CSMD2: variants seen among roughly 807,000 people sequenced by gnomAD.
The protein encoded by CSMD2 is CUB and sushi domain-containing protein 2.
In CSMD2, 130 loss-of-function variants were observed where a neutral mutation model predicts 398.5. That is an observed-to-expected ratio of 0.33 (90% CI 0.28 to 0.38). The LOEUF (loss-of-function observed/expected upper bound fraction) is 0.38. Ranked by LOEUF, CSMD2 falls within the 10% of genes least tolerant of loss-of-function variation. The pLI, the probability that CSMD2 is intolerant of heterozygous loss-of-function variation, is 1.00. For synonymous variants in CSMD2, 1,828 were observed against 1,908.5 expected, an observed-to-expected ratio of 0.96 and a Z score of 1.10; for missense variants, 3,829 against 4,764.9, an observed-to-expected ratio of 0.80 and a Z score of 5.78.
intron 53 of CSMD2, among the ~76,000 whole-genome samples, chr1:33,564,688 C>G (rs886484404): frequency 2.0e-5 from 3 of 152,198 alleles, no homozygotes; most frequent in Non-Finnish European, 2.9e-5. Flanking sequence ...CAAGCACAAG[C>G]TACAATATCT....
At chr1:34,155,340 T>C (rs923180137) in intron 1 of CSMD2, among the ~76,000 whole-genome samples, 1 of 152,196 alleles carries the variant, frequency 6.6e-6, no homozygotes, top group Non-Finnish European at 1.5e-5. Flanking sequence ...GTAGGAGATG[T>C]GAGTCCCAGA....
At chr1:33,638,956 TCA>T (rs1469855165) in intron 29 of CSMD2, among the ~76,000 whole-genome samples, 1 of 152,234 alleles carries the variant, frequency 6.6e-6, no homozygotes, top group Non-Finnish European at 1.5e-5. Context: ...TCAGTTTTGT[TCA>T]CGGCCATATT....
chr1:33,854,007 G>T (rs1638897621), intron 5 of CSMD2, among the ~76,000 whole-genome samples: 1 of 152,122 alleles, frequency 6.6e-6, no homozygotes, highest in Admixed American at 6.5e-5. Context: ...GGTCAATTAT[G>T]ATCTATTTTG....
rs577421267 is a variant in CSMD2 at position 33,628,039 on chromosome 1, CACA to C, written c.5201-1461_5201-1459del. Among the ~76,000 whole-genome samples, 43 of 152,240 alleles carry C rather than the reference CACA, an allele frequency of 2.8e-4. 1 individual carries two copies. The South Asian group carries it at 5.6e-3, about 20-fold the overall frequency. On this transcript the variant is annotated intron_variant, in intron 32 of 70. Transcript: ENST00000373381. ...GTCAAAGCAAATACTTTATGTGAAC[CACA>C]ACAAAGAACAGGCAAAACTCTCAGC...
chr1:33,577,294 AC>A lies in CSMD2; in HGVS notation c.7576+1del. 6.2e-7 allele frequency: 1 copy of A among 1,601,934 alleles called. No individual in the cohort carries two copies. The highest frequency in any genetic ancestry group is 8.5e-7 in the Non-Finnish European group (1 of 1,171,896). On this transcript the variant is annotated splice_donor_variant, in intron 49 of 70. Transcript: ENST00000373381. LOFTEE classifies it high-confidence loss of function. Reference sequence around the variant, plus strand: ...GTGACCCCCTTTCCACCTGCTTCTCACCTTGACAGAGAGGGATGGCTTCGCT... The same window carrying A: ...GTGACCCCCTTTCCACCTGCTTCTCACTTGACAGAGAGGGATGGCTTCGCT...
intron 62 of CSMD2, 33 bp downstream of exon 62, chr1:33,536,989 G>A (rs1402558723): frequency 5.0e-6 from 8 of 1,589,458 alleles, no homozygotes; most frequent in Non-Finnish European, 6.9e-6. Flanking sequence ...GGGATAGGAT[G>A]TAGGAAGACC....
At chr1:34,035,481 C>G (rs1283216157) in intron 2 of CSMD2, among the ~76,000 whole-genome samples, 1 of 151,892 alleles carries the variant, frequency 6.6e-6, no homozygotes, top group Admixed American at 6.6e-5. Context: ...GAGAATTCAG[C>G]AATATATAAA....
intron 64 of CSMD2, among the ~76,000 whole-genome samples, chr1:33,528,544 C>G (rs921077464): frequency 6.6e-6 from 1 of 152,202 alleles, no homozygotes; most frequent in Non-Finnish European, 1.5e-5. Flanking sequence ...GCTTTATCGT[C>G]TTAGGTTTCA....
Position 33,537,697 on chromosome 1 carries a change from C to G in CSMD2, c.9632-88G>C, listed in dbSNP as rs1418272955. 2.9e-6 allele frequency: 4 copies of G among 1,367,462 alleles called. No homozygotes were observed. The East Asian group carries it at 9.7e-5, about 33-fold the overall frequency. 84.7% of individuals were successfully genotyped at this position (1,367,462 alleles called of 1,614,324 possible). ...CACACCCCCATCTTTGTTCTTTGCA[C>G]TGCTCCCTTCCTGGTTGAGCTTGAA... On this transcript the variant is annotated intron_variant, in intron 60 of 70. Transcript: ENST00000373381. The surrounding 1 kb of genome is among the most constrained non-coding windows in gnomAD (Gnocchi z 4.6).
intron 5 of CSMD2, among the ~76,000 whole-genome samples, chr1:33,889,743 ACCT>A (rs1641854196): frequency 7.5e-6 from 1 of 132,886 alleles, no homozygotes; most frequent in African/African-American, 2.9e-5. Context: ...TTTATGTTTC[ACCT>A]CCTATCCTGT....
At chr1:33,794,080 G>A (rs143444527) in intron 10 of CSMD2, among the ~76,000 whole-genome samples, 7 of 152,266 alleles carry the variant, frequency 4.6e-5, no homozygotes, top group African/African-American at 1.7e-4. Context: ...TTTCCTAGTT[G>A]TGGCTGACGC....
At chr1:34,088,003 G>T (rs946240875) in intron 2 of CSMD2, among the ~76,000 whole-genome samples, 1 of 152,198 alleles carries the variant, frequency 6.6e-6, no homozygotes, top group Non-Finnish European at 1.5e-5. Flanking sequence ...TCTGCTGCAG[G>T]CTTCCCAGAC....
chr1:33,861,742 T>A (rs556100968), intron 5 of CSMD2, among the ~76,000 whole-genome samples: 3 of 152,248 alleles, frequency 2.0e-5, no homozygotes, highest in Admixed American at 2.0e-4. Context: ...CAGAGGCTCA[T>A]AAAAGTAGAG....
intron 15 of CSMD2, among the ~76,000 whole-genome samples, chr1:33,737,090 T>G (rs1248588982): frequency 1.8e-4 from 28 of 152,200 alleles, no homozygotes; most frequent in Admixed American, 1.4e-3. Flanking sequence ...CCATCAGATA[T>G]GCATACTTAT....
intron 3 of CSMD2, among the ~76,000 whole-genome samples, chr1:34,023,842 T>C (rs1021889865): frequency 8.5e-5 from 13 of 152,320 alleles, no homozygotes; most frequent in Non-Finnish European, 1.6e-4. Flanking sequence ...ACTGGGGATA[T>C]GGCAGAGCTC....
At chr1:33,548,664 C>T (rs537885370) in intron 56 of CSMD2, among the ~76,000 whole-genome samples, 4 of 152,324 alleles carry the variant, frequency 2.6e-5, no homozygotes, top group African/African-American at 9.6e-5. Context: ...TGGTATATAC[C>T]TAATGTTACT....
chr1:33,955,796 C>T (rs1645149031), intron 3 of CSMD2, among the ~76,000 whole-genome samples: 1 of 118,444 alleles, frequency 8.4e-6, no homozygotes, highest in African/African-American at 2.8e-5. Flanking sequence ...TATGCTGACA[C>T]TATTAGACAA....
intron 10 of CSMD2, among the ~76,000 whole-genome samples, chr1:33,798,839 C>A (rs948280737): frequency 3.3e-5 from 5 of 152,158 alleles, no homozygotes; most frequent in African/African-American, 1.2e-4. Flanking sequence ...TCTCCCCTTG[C>A]CACGTGCTGT....
chr1:33,868,234 C>A (rs1640178604), intron 5 of CSMD2, among the ~76,000 whole-genome samples: 1 of 152,148 alleles, frequency 6.6e-6, no homozygotes, highest in South Asian at 2.1e-4. Flanking sequence ...AGGCCCATCA[C>A]CATCTTGATG....
Sources: allele counts gnomAD v4.1 joint callset (sites outside exome capture counted in the v4.1 genomes callset), GRCh38; gene constraint gnomAD v4.1.1; non-coding constraint Gnocchi (gnomAD v3.1); transcripts MANE v1.5; gene names NCBI Gene and HGNC (gene_info 2026-07-23, HGNC 2026-07-21).